Variants in SUCLG2 observed in about 807,000 individuals in gnomAD.
The protein encoded by SUCLG2 is succinate-CoA ligase GDP-forming subunit beta.
In SUCLG2, 42 loss-of-function variants were observed where a neutral mutation model predicts 47.9. The observed-to-expected ratio is 0.88, with a 90% CI of 0.69 to 1.14. The LOEUF (loss-of-function observed/expected upper bound fraction) is 1.14, where lower values mean the gene tolerates loss of function less well. SUCLG2 is among the 50% of genes most tolerant of loss of function. The pLI is 0.00. For synonymous variants in SUCLG2, 195 were observed against 197.3 expected (o/e 0.99, Z 0.10); for missense variants, 571 against 525.9 (o/e 1.09, Z -0.84).
At chr3:67,627,588 A>G (rs115448122) in intron 1 of SUCLG2, among the ~76,000 whole-genome samples, 2,207 of 152,312 alleles carry the variant, frequency 0.014, 59 homozygotes, top group African/African-American at 0.049. Context: ...ATAATCCTGC[A>G]AATTACTTTC....
chr3:67,452,699 T>C (rs1374954369), intron 9 of SUCLG2, among the ~76,000 whole-genome samples: 1 of 152,182 alleles, frequency 6.6e-6, no homozygotes, highest in East Asian at 1.9e-4. Context: ...ATCTAGCAAG[T>C]AGATTACTAA....
At chr3:67,553,150 G>C (rs966379006) in intron 2 of SUCLG2, among the ~76,000 whole-genome samples, 1 of 152,152 alleles carries the variant, frequency 6.6e-6, no homozygotes, top group Non-Finnish European at 1.5e-5. Flanking sequence ...GGTACTGAAG[G>C]CTGACAATCC....
chr3:67,538,383 G>T (rs1179537108), intron 2 of SUCLG2, among the ~76,000 whole-genome samples: 1 of 152,152 alleles, frequency 6.6e-6, no homozygotes, highest in Non-Finnish European at 1.5e-5. Context: ...GGTTGTAGAT[G>T]TGTGGTGTTA....
chr3:67,583,130 G>C (rs981122519), intron 2 of SUCLG2, among the ~76,000 whole-genome samples: 18 of 152,026 alleles, frequency 1.2e-4, no homozygotes, highest in Non-Finnish European at 2.2e-4. Flanking sequence ...AGACTCACCA[G>C]TGGCCTTGGT....
intron 9 of SUCLG2, among the ~76,000 whole-genome samples, chr3:67,442,641 A>C (rs1272029121): frequency 1.3e-5 from 2 of 152,206 alleles, no homozygotes; most frequent in Non-Finnish European, 2.9e-5. Flanking sequence ...CCTAATCAAA[A>C]TATTTAGAGA....
chr3:67,625,574 A>C (rs1322512737), intron 1 of SUCLG2, among the ~76,000 whole-genome samples: 1 of 152,132 alleles, frequency 6.6e-6, no homozygotes, highest in African/African-American at 2.4e-5. Context: ...CTTTGCCTCT[A>C]AAGGAGGACA....
At chr3:67,417,918 T>C (rs1703071188) in intron 9 of SUCLG2, among the ~76,000 whole-genome samples, 1 of 152,228 alleles carries the variant, frequency 6.6e-6, no homozygotes, top group African/African-American at 2.4e-5. Flanking sequence ...AAAGTTATTC[T>C]TTAATCTTTA....
intron 7 of SUCLG2, among the ~76,000 whole-genome samples, chr3:67,503,665 A>AT (rs1705561614): frequency 6.6e-6 from 1 of 152,220 alleles, no homozygotes; most frequent in African/African-American, 2.4e-5. Context: ...AACAAAGGCC[A>AT]TTTTTTATAC....
intron 9 of SUCLG2, among the ~76,000 whole-genome samples, chr3:67,447,258 T>C (rs956867160): frequency 6.6e-6 from 1 of 152,168 alleles, no homozygotes; most frequent in Non-Finnish European, 1.5e-5. Flanking sequence ...TATAATTAAA[T>C]ACAAAATTGA....
chr3:67,577,120 C>T (rs1284642479), intron 2 of SUCLG2, among the ~76,000 whole-genome samples: 1 of 152,004 alleles, frequency 6.6e-6, no homozygotes, highest in Non-Finnish European at 1.5e-5. Context: ...AGATCACTGG[C>T]CAACATGGCA....
At chr3:67,541,561 G>A (rs1706713038) in intron 2 of SUCLG2, among the ~76,000 whole-genome samples, 1 of 152,200 alleles carries the variant, frequency 6.6e-6, no homozygotes, top group South Asian at 2.1e-4. Flanking sequence ...GAAACTGACA[G>A]GGAGAATGGA....
chr3:67,618,996 C>G (rs1221948012), intron 1 of SUCLG2, among the ~76,000 whole-genome samples: 1 of 152,174 alleles, frequency 6.6e-6, no homozygotes, highest in Admixed American at 6.5e-5. Flanking sequence ...TGCCACATGT[C>G]TTATCTAAGG....
At chr3:67,507,529 T>TGA (rs1374346152) in intron 7 of SUCLG2, among the ~76,000 whole-genome samples, 1 of 145,996 alleles carries the variant, frequency 6.8e-6, no homozygotes, top group African/African-American at 2.6e-5. Context: ...TTGAAAAGAT[T>TGA]GAAAAAAAAA....
chr3:67,408,928 G>A (rs1702874906), intron 9 of SUCLG2: 1 of 1,529,200 alleles, frequency 6.5e-7, no homozygotes, highest in Non-Finnish European at 8.7e-7. Context: ...CTCCCAAGAT[G>A]AGTCAGGAGT....
chr3:67,403,573 C>G (rs1281826057), intron 9 of SUCLG2, among the ~76,000 whole-genome samples: 1 of 152,148 alleles, frequency 6.6e-6, no homozygotes, highest in Non-Finnish European at 1.5e-5. Flanking sequence ...GACCAATAAA[C>G]TGACAATTAC....
intron 2 of SUCLG2, among the ~76,000 whole-genome samples, chr3:67,590,099 T>C (rs1263902586): frequency 1.3e-5 from 2 of 152,208 alleles, no homozygotes; most frequent in Non-Finnish European, 2.9e-5. Flanking sequence ...TAACTGCTAC[T>C]CTGAGAACTT....
At chr3:67,563,135 A>G (rs905192034) in intron 2 of SUCLG2, among the ~76,000 whole-genome samples, 5 of 150,640 alleles carry the variant, frequency 3.3e-5, no homozygotes, top group Admixed American at 1.3e-4. Flanking sequence ...TATAATACAT[A>G]CATTTTTTAA....
chr3:67,368,803 A>G (rs1190460111), intron 10 of SUCLG2, among the ~76,000 whole-genome samples: 1 of 151,956 alleles, frequency 6.6e-6, no homozygotes, highest in Non-Finnish European at 1.5e-5. Flanking sequence ...GAGGGGTTTC[A>G]CCATGCTGGC....
intron 7 of SUCLG2, among the ~76,000 whole-genome samples, chr3:67,499,544 G>A (rs914062071): frequency 6.6e-6 from 1 of 152,096 alleles, no homozygotes; most frequent in Non-Finnish European, 1.5e-5. Context: ...CATAATAGGA[G>A]ACAGACTACA....
Sources: gnomAD v4.1 joint callset for allele counts (sites outside exome capture counted in the v4.1 genomes callset) on GRCh38, gnomAD v4.1.1 for gene constraint, MANE v1.5 for transcripts, NCBI Gene and HGNC (gene_info 2026-07-23, HGNC 2026-07-21) for gene names.